Variants in YWHAE observed in about 807,000 individuals in gnomAD.
YWHAE encodes 14-3-3 protein epsilon.
In YWHAE, 4 loss-of-function variants were observed where a neutral mutation model predicts 30.1. The ratio of observed to expected loss-of-function variants is 0.13; its 90% CI spans 0.07 to 0.30. The LOEUF (loss-of-function observed/expected upper bound fraction) is 0.30. Among genes scored for constraint, YWHAE ranks in the 10% least tolerant of loss-of-function variants. The probability of loss-of-function intolerance (pLI) is 1.00; values close to 1 mark genes in which losing one functional copy is unlikely to be tolerated. For missense variants in YWHAE, 121 were observed against 315.9 expected (o/e 0.38, Z 4.68); for synonymous variants, 118 against 111.8 (o/e 1.06, Z -0.35).
rs868169662 is a variant in YWHAE, at chr17:1,400,163, T to C, written c.-53A>G. 18 of 1,603,172 alleles carry C rather than the reference T, an allele frequency of 1.1e-5. No individual in the cohort carries two copies. Among genetic ancestry groups the C allele is most frequent in the Admixed American group, 3.3e-5 (2 of 59,948 alleles). ...GCGACGGATGGAAGCGGATAGTGTC[T>C]CCGACTCTCTCAGCCTCTCGCTCCG... On this transcript the variant is annotated 5_prime_UTR_variant, in exon 1 of 6. Transcript: ENST00000264335.
intron 4 of YWHAE, 82 bp downstream of exon 4, chr17:1,361,010 G>A: frequency 5.4e-6 from 7 of 1,293,904 alleles, no homozygotes; most frequent in South Asian, 2.5e-5. Flanking sequence ...ACAAAGACAG[G>A]CCCAAGAAAC....
At chr17:1,350,007 C>G (rs1215677517) in intron 5 of YWHAE, among the ~76,000 whole-genome samples, 1 of 149,154 alleles carries the variant, frequency 6.7e-6, no homozygotes, top group Non-Finnish European at 1.5e-5. Flanking sequence ...GGCTGGAGTG[C>G]AACGGCGCGA....
At chr17:1,371,161 C>T (rs2073037254) in intron 1 of YWHAE, among the ~76,000 whole-genome samples, 1 of 152,120 alleles carries the variant, frequency 6.6e-6, no homozygotes, top group South Asian at 2.1e-4. Flanking sequence ...CAGTTCACTA[C>T]AGCCTCAACC....
intron 1 of YWHAE, among the ~76,000 whole-genome samples, chr17:1,388,117 G>GTTTTTTTTTTTTTTTTTTTT (rs1491196737): frequency 1.5e-5 from 1 of 65,110 alleles, no homozygotes; most frequent in Non-Finnish European, 2.3e-5. Flanking sequence ...TTTTTTGGTT[G>GTTTTTTTTTTTTTTTTTTTT]GTTTTTTTTT....
chr17:1,389,481 T>C (rs958121289), intron 1 of YWHAE, among the ~76,000 whole-genome samples: 5 of 152,112 alleles, frequency 3.3e-5, no homozygotes, highest in Non-Finnish European at 7.4e-5. Flanking sequence ...TTTTCTTAAG[T>C]AATCTGAGAT....
At chr17:1,383,263 T>C (rs1034264939) in intron 1 of YWHAE, among the ~76,000 whole-genome samples, 27 of 152,006 alleles carry the variant, frequency 1.8e-4, no homozygotes, top group South Asian at 4.2e-4. Context: ...GGCAGGAGAA[T>C]TGCTTGATCC....
intron 1 of YWHAE, among the ~76,000 whole-genome samples, chr17:1,394,601 G>A (rs185419613): frequency 6.5e-4 from 99 of 151,830 alleles, no homozygotes; most frequent in African/African-American, 1.9e-3. Flanking sequence ...GCAAGACCCT[G>A]TTTCAAAAAA....
intron 5 of YWHAE, among the ~76,000 whole-genome samples, chr17:1,347,571 A>C (rs1200434217): frequency 6.6e-6 from 1 of 152,212 alleles, no homozygotes; most frequent in African/African-American, 2.4e-5. Context: ...AGGCAAAAAA[A>C]AATTGCTTAG....
intron 1 of YWHAE, among the ~76,000 whole-genome samples, chr17:1,396,618 G>A (rs913199034): frequency 6.6e-6 from 1 of 152,066 alleles, no homozygotes; most frequent in Admixed American, 6.6e-5. Flanking sequence ...CCCCAAAAAC[G>A]GGTAAACTTT....
At chr17:1,393,232 G>GA (rs2073415858) in intron 1 of YWHAE, among the ~76,000 whole-genome samples, 1 of 150,552 alleles carries the variant, frequency 6.6e-6, no homozygotes, top group African/African-American at 2.4e-5. Context: ...GAGGTGGGGG[G>GA]ATCACCTGAG....
Position 1,361,222 on chromosome 17 carries a change from C to G in YWHAE, c.448G>C (p.Val150Leu). 1 of 1,613,874 alleles carries G rather than the reference C, an allele frequency of 6.2e-7. No homozygotes were observed. The highest frequency in any genetic ancestry group is 8.5e-7 in the Non-Finnish European group (1 of 1,179,972). The change falls in exon 4 of 6, where the codon GTG becomes CTG. Residue 150 changes from valine (V) to leucine (L), a missense_variant. Val to Leu is a conservative substitution (Grantham distance 32). This residue lies in a region of YWHAE where 99 missense variants were observed against 289.3 expected (regional missense o/e 0.34). Transcript: ENST00000264335. ...ATATCACTAGCAGCTTTATAAGCCA[C>G]TAGGCTGTTCTCCGCAGCCTCCTTC... The part of the protein sequence containing the change: ...DRKEAAENSL[V>L]AYKAASDIAM...
chr17:1,345,827 G>T (rs1033935635), intron 5 of YWHAE, among the ~76,000 whole-genome samples: 11 of 152,114 alleles, frequency 7.2e-5, no homozygotes, highest in African/African-American at 2.7e-4. Flanking sequence ...TAAATCTTGG[G>T]TCAAAATACT....
intron 1 of YWHAE, among the ~76,000 whole-genome samples, chr17:1,368,563 C>CA (rs11285222): frequency 3.0e-4 from 31 of 102,396 alleles, no homozygotes; most frequent in African/African-American, 9.0e-4. Context: ...GACTCTGTCT[C>CA]AAAAAAAAAA....
intron 4 of YWHAE, among the ~76,000 whole-genome samples, chr17:1,356,306 T>C (rs1470104277): frequency 6.6e-6 from 1 of 150,710 alleles, no homozygotes; most frequent in Non-Finnish European, 1.5e-5. Context: ...GAGGCGGAGG[T>C]TGCAGTGAGG....
At chr17:1,367,600 T>C (rs2072964449) in intron 1 of YWHAE, among the ~76,000 whole-genome samples, 1 of 152,162 alleles carries the variant, frequency 6.6e-6, no homozygotes, top group African/African-American at 2.4e-5. Flanking sequence ...AATTACTTTG[T>C]ATAATCCTAA....
intron 4 of YWHAE, 150 bp from the exon 5 acceptor site, chr17:1,354,497 A>C (rs2072694411): frequency 3.8e-6 from 3 of 798,818 alleles, no homozygotes. Context: ...ATAAAAATTA[A>C]CTTAAAGGTA....
chr17:1,373,584 C>A (rs980663232), intron 1 of YWHAE, among the ~76,000 whole-genome samples: 1 of 151,778 alleles, frequency 6.6e-6, no homozygotes, highest in Non-Finnish European at 1.5e-5. Flanking sequence ...AGGAGAATTG[C>A]GTGAACCCGG....
At chr17:1,371,352 T>C (rs187659502) in intron 1 of YWHAE, among the ~76,000 whole-genome samples, 105 of 152,286 alleles carry the variant, frequency 6.9e-4, no homozygotes, top group South Asian at 1.2e-3. Context: ...CCCAAAGTGC[T>C]GAAATTACAA....
chr17:1,384,223 A>C (rs1421787229), intron 1 of YWHAE, among the ~76,000 whole-genome samples: 1 of 152,070 alleles, frequency 6.6e-6, no homozygotes, highest in Admixed American at 6.5e-5. Flanking sequence ...AAAATAAAAA[A>C]TAAATTAGCC....
Sources: allele counts gnomAD v4.1 joint callset (sites outside exome capture counted in the v4.1 genomes callset), GRCh38; gene constraint gnomAD v4.1.1; regional missense constraint gnomAD v4.1.1; transcripts MANE v1.5; gene names NCBI Gene and HGNC (gene_info 2026-07-23, HGNC 2026-07-21).